Variants in CSMD1 observed in about 807,000 individuals in gnomAD.
CSMD1 encodes CUB and Sushi multiple domains 1.
Under a neutral mutation model 417.5 loss-of-function variants are expected in CSMD1, and 213 were observed. The ratio of observed to expected loss-of-function variants is 0.51; its 90% CI spans 0.46 to 0.57. The LOEUF is 0.57. CSMD1 is among the 20% of genes least tolerant of loss of function. CSMD1 has a pLI of 0.00. For missense variants in CSMD1, 6,923 were observed against 4,529.7 expected (o/e 1.53, Z -15.17); for synonymous variants, 2,862 against 1,736.8 (o/e 1.65, Z -16.11).
At chr8:4,738,903 TTG>T (rs34836566) in intron 1 of CSMD1, among the ~76,000 whole-genome samples, 4 of 147,336 alleles carry the variant, frequency 2.7e-5, no homozygotes, top group Admixed American at 1.3e-4. Flanking sequence ...TTCTGTGTGT[TTG>T]TGTGTGTGTG....
intron 11 of CSMD1, among the ~76,000 whole-genome samples, chr8:3,475,467 T>C (rs1384551601): frequency 6.6e-6 from 1 of 152,236 alleles, no homozygotes; most frequent in Non-Finnish European, 1.5e-5. Context: ...TAGTGTTATG[T>C]TAGGCAGCAT....
intron 3 of CSMD1, among the ~76,000 whole-genome samples, chr8:4,173,580 A>G (rs1418012116): frequency 6.6e-6 from 1 of 152,126 alleles, no homozygotes; most frequent in Non-Finnish European, 1.5e-5. Context: ...ATGTAACAAT[A>G]TGATTCGCTG....
chr8:3,940,330 T>C (rs946286707), intron 5 of CSMD1, among the ~76,000 whole-genome samples: 2 of 152,090 alleles, frequency 1.3e-5, no homozygotes, highest in African/African-American at 2.4e-5. Context: ...TTTTCAAAAT[T>C]TGTATTTCAG....
At chr8:3,699,211 A>G (rs1298547971) in intron 7 of CSMD1, among the ~76,000 whole-genome samples, 4 of 152,260 alleles carry the variant, frequency 2.6e-5, no homozygotes, top group Non-Finnish European at 5.9e-5. Context: ...ACTAGAGCAC[A>G]CAATGTAGAC....
intron 26 of CSMD1, among the ~76,000 whole-genome samples, chr8:3,275,547 C>G (rs939911738): frequency 6.6e-6 from 1 of 152,212 alleles, no homozygotes; most frequent in Non-Finnish European, 1.5e-5. Context: ...TCCATTGTCC[C>G]TGTCTCTTTC....
intron 49 of CSMD1, among the ~76,000 whole-genome samples, chr8:3,056,533 T>A (rs1812234648): frequency 6.6e-6 from 1 of 151,970 alleles, no homozygotes; most frequent in Non-Finnish European, 1.5e-5. Flanking sequence ...CACGCCTGGC[T>A]ATTTTTTGTA....
chr8:4,607,834 T>G (rs1800961749), intron 2 of CSMD1, among the ~76,000 whole-genome samples: 1 of 152,194 alleles, frequency 6.6e-6, no homozygotes, highest in Non-Finnish European at 1.5e-5. Context: ...ATCTCTGTAC[T>G]TTCACTATTT....
chr8:4,858,625 A>G (rs947161608), intron 1 of CSMD1, among the ~76,000 whole-genome samples: 15 of 152,162 alleles, frequency 9.9e-5, no homozygotes, highest in African/African-American at 3.6e-4. Context: ...CCAACAACAG[A>G]CAAACAGAGA....
intron 3 of CSMD1, among the ~76,000 whole-genome samples, chr8:4,189,062 G>C (rs1385307140): frequency 6.6e-6 from 1 of 152,186 alleles, no homozygotes; most frequent in African/African-American, 2.4e-5. Flanking sequence ...TTATAAGAGT[G>C]AAAGTTAATT....
chr8:4,139,070 G>A (rs1055746430), intron 3 of CSMD1, among the ~76,000 whole-genome samples: 4 of 152,114 alleles, frequency 2.6e-5, no homozygotes, highest in Non-Finnish European at 5.9e-5. Context: ...CAAAAACAGA[G>A]CAACAATGTC....
chr8:4,928,915 A>G (rs750641201), intron 1 of CSMD1, among the ~76,000 whole-genome samples: 14 of 152,040 alleles, frequency 9.2e-5, no homozygotes, highest in Non-Finnish European at 5.9e-5. Context: ...CTAAAAATAT[A>G]AAAAATTTAG....
intron 3 of CSMD1, among the ~76,000 whole-genome samples, chr8:4,205,883 G>A (rs1002773547): frequency 2.6e-5 from 4 of 152,110 alleles, no homozygotes; most frequent in African/African-American, 9.7e-5. Context: ...TTCCTATTAT[G>A]CACTGTGCAG....
rs1276369949 is a variant in CSMD1, at chr8:4,382,999, T to C, written c.415+36954A>G. 2.6e-5 allele frequency among the ~76,000 whole-genome samples: 4 copies of C among 152,328 alleles called. No individual in the cohort carries two copies. The East Asian group carries it at 7.7e-4, about 29-fold the overall frequency. On this transcript the variant is annotated intron_variant, in intron 3 of 69. Transcript: ENST00000635120. Reference sequence around the variant, plus strand: ...CTGAGAGGTCGCACCATCGTCTGTATATCAGCGCCTTCAGTAAGAATTGGT... The same window carrying C: ...CTGAGAGGTCGCACCATCGTCTGTACATCAGCGCCTTCAGTAAGAATTGGT...
intron 33 of CSMD1, among the ~76,000 whole-genome samples, chr8:3,195,840 G>C (rs946185868): frequency 6.6e-6 from 1 of 152,180 alleles, no homozygotes; most frequent in Non-Finnish European, 1.5e-5. Flanking sequence ...ACGTCTTCAA[G>C]AAAGCTTGCT....
intron 7 of CSMD1, among the ~76,000 whole-genome samples, chr8:3,627,303 G>T (rs964693696): frequency 6.6e-6 from 1 of 152,112 alleles, no homozygotes; most frequent in Non-Finnish European, 1.5e-5. Context: ...ACACTTGGGA[G>T]AAGTAAAATT....
At chr8:4,254,701 C>T (rs1289375408) in intron 3 of CSMD1, among the ~76,000 whole-genome samples, 18 of 152,110 alleles carry the variant, frequency 1.2e-4, no homozygotes, top group Admixed American at 9.8e-4. Flanking sequence ...TTTTACCGTA[C>T]CTTTTCCATG....
chr8:4,153,637 G>A (rs1456935289), intron 3 of CSMD1, among the ~76,000 whole-genome samples: 1 of 152,144 alleles, frequency 6.6e-6, no homozygotes. Flanking sequence ...ACCTTGCAAG[G>A]CAGCTGACAT....
rs1328669597 is a variant in CSMD1 at position 4,176,837 on chromosome 8, C to T, written c.416-144738G>A. ...AACGATCAAAAGAGACAAAGAAGGC[C>T]ATTACATAATGGTAAAGGGATCAAT... On this transcript the variant is annotated intron_variant, in intron 3 of 69. Transcript: ENST00000635120. Among the ~76,000 whole-genome samples, 4 of 147,644 alleles carry T rather than the reference C, an allele frequency of 2.7e-5. No individual in the cohort carries two copies. The East Asian group carries it at 7.9e-4, about 29-fold the overall frequency.
At chr8:4,041,132 T>G (rs1797870973) in intron 3 of CSMD1, among the ~76,000 whole-genome samples, 1 of 148,822 alleles carries the variant, frequency 6.7e-6, no homozygotes, top group African/African-American at 2.5e-5. Context: ...TTCTCCTGCC[T>G]CAGCCTCCCG....
Sources: allele counts gnomAD v4.1 joint callset (sites outside exome capture counted in the v4.1 genomes callset), GRCh38; gene constraint gnomAD v4.1.1; transcripts MANE v1.5; gene names NCBI Gene and HGNC (gene_info 2026-07-23, HGNC 2026-07-21).